The following GUCY1A2 variants were observed in gnomAD, a reference collection of about 807,000 sequenced individuals.
GUCY1A2 encodes guanylate cyclase 1 soluble subunit alpha 2, also known as guanylate cyclase soluble subunit alpha-2.
A neutral mutation model predicts 63.5 loss-of-function variants in GUCY1A2; 27 were observed. That is an observed-to-expected ratio of 0.43 (90% confidence interval 0.31 to 0.59). The LOEUF is 0.59. Ranked by LOEUF, GUCY1A2 falls within the 20% of genes least tolerant of loss-of-function variation. GUCY1A2 has a pLI of 0.11. For missense variants in GUCY1A2, 768 were observed against 913.3 expected (o/e 0.84, Z 2.05); for synonymous variants, 364 against 343.5 (o/e 1.06, Z -0.66).
rs529394302 is a variant in GUCY1A2, at chr11:106,799,894, A to G, written c.1692+10099T>C. 7.3e-4 allele frequency among the ~76,000 whole-genome samples: 111 copies of G among 152,360 alleles called. No individual in the cohort carries two copies. The Middle Eastern group carries it at 0.017, about 23-fold the overall frequency. On this transcript the variant is annotated intron_variant, in intron 5 of 7. Coordinates refer to ENST00000526355, the MANE Select transcript of GUCY1A2 (RefSeq NM_000855.3). ...ATAAAAGCCAAAATTGACAAATGGG[A>G]TCTAATTAAACTAAAGAGCTTCTGC... is the stretch of plus-strand genomic sequence containing the variant.
chr11:106,851,248 A>G (rs114299359), intron 4 of GUCY1A2, among the ~76,000 whole-genome samples: 3,613 of 151,608 alleles, frequency 0.024, 138 homozygotes, highest in African/African-American at 0.08. Flanking sequence ...TAGTCTGTGT[A>G]TTAGTCCCTT....
chr11:106,757,733 C>T (rs939181536), intron 6 of GUCY1A2, among the ~76,000 whole-genome samples: 3 of 152,178 alleles, frequency 2.0e-5, no homozygotes, highest in Non-Finnish European at 2.9e-5. Context: ...AGCTTTGTCC[C>T]AGAGGGGCAC....
intron 4 of GUCY1A2, among the ~76,000 whole-genome samples, chr11:106,905,351 CTTATT>C (rs1458599059): frequency 6.6e-6 from 1 of 152,038 alleles, no homozygotes; most frequent in African/African-American, 2.4e-5. Context: ...ACAACAGAAA[CTTATT>C]TTCTCACATA....
At chr11:106,948,180 C>T (rs1171714901) in intron 3 of GUCY1A2, among the ~76,000 whole-genome samples, 4 of 151,924 alleles carry the variant, frequency 2.6e-5, no homozygotes, top group African/African-American at 7.2e-5. Flanking sequence ...AAATATTTTC[C>T]GGCCATAGAA....
intron 2 of GUCY1A2, among the ~76,000 whole-genome samples, chr11:106,982,211 C>A (rs1380642427): frequency 6.6e-6 from 1 of 152,052 alleles, no homozygotes; most frequent in African/African-American, 2.4e-5. Context: ...AATCTTTCCA[C>A]AACATACAAA....
intron 4 of GUCY1A2, among the ~76,000 whole-genome samples, chr11:106,909,979 A>T (rs555463166): frequency 5.3e-5 from 8 of 152,132 alleles, no homozygotes; most frequent in African/African-American, 1.9e-4. Context: ...TCAAATGAAC[A>T]GTGTATATTA....
chr11:106,906,191 C>G (rs1305916179), intron 4 of GUCY1A2, among the ~76,000 whole-genome samples: 1 of 151,984 alleles, frequency 6.6e-6, no homozygotes, highest in African/African-American at 2.4e-5. Flanking sequence ...TGCAATCTAT[C>G]CATCTGACAA....
chr11:106,889,048 T>C (rs1231151511), intron 4 of GUCY1A2, among the ~76,000 whole-genome samples: 4 of 152,102 alleles, frequency 2.6e-5, no homozygotes, highest in African/African-American at 9.7e-5. Flanking sequence ...AAAATTACAA[T>C]GCACTGTATC....
intron 6 of GUCY1A2, among the ~76,000 whole-genome samples, chr11:106,761,745 A>G (rs1439316838): frequency 1.5e-4 from 23 of 152,162 alleles, no homozygotes; most frequent in Admixed American, 1.5e-3. Context: ...TGGCTGATAC[A>G]TTATGCTTAG....
At chr11:106,814,511 G>C (rs1034694148) in intron 4 of GUCY1A2, among the ~76,000 whole-genome samples, 1 of 151,986 alleles carries the variant, frequency 6.6e-6, no homozygotes, top group Admixed American at 6.6e-5. Context: ...AAATTGTATG[G>C]CTAGAGTCAC....
chr11:106,714,517 GACAA>G lies in GUCY1A2; in HGVS notation c.1837-5855_1837-5852del, dbSNP rs150181306. On this transcript the variant is annotated intron_variant, in intron 6 of 7. Coordinates refer to ENST00000526355, the MANE Select transcript of GUCY1A2 (RefSeq NM_000855.3). ...ATGTGCCAAGAGTATCTAGCAGTAA[GACAA>G]ACAGTGAGATACATTTAACTATCAA... Among the ~76,000 whole-genome samples, 891 of 152,272 alleles carry G rather than the reference GACAA, an allele frequency of 5.9e-3. 12 individuals carry two copies. The highest frequency in any genetic ancestry group is 0.021 in the African/African-American group (854 of 41,542).
chr11:106,831,910 C>T (rs1001084274), intron 4 of GUCY1A2, among the ~76,000 whole-genome samples: 1 of 152,154 alleles, frequency 6.6e-6, no homozygotes, highest in African/African-American at 2.4e-5. Context: ...TAGACTCGCA[C>T]CTCCTCCATA....
intron 4 of GUCY1A2, among the ~76,000 whole-genome samples, chr11:106,905,077 T>C (rs999070356): frequency 6.6e-6 from 1 of 152,088 alleles, no homozygotes; most frequent in African/African-American, 2.4e-5. Flanking sequence ...TGTAAGGCAC[T>C]GAGGTGGCTA....
chr11:106,871,615 C>T (rs1859679096), intron 4 of GUCY1A2, among the ~76,000 whole-genome samples: 1 of 152,094 alleles, frequency 6.6e-6, no homozygotes, highest in South Asian at 2.1e-4. Flanking sequence ...AAAATAATGA[C>T]CTCACCTTAA....
chr11:106,827,381 T>C, intron 4 of GUCY1A2: 9 of 1,545,706 alleles, frequency 5.8e-6, no homozygotes, highest in Non-Finnish European at 7.2e-6. Flanking sequence ...ATGGCCCAAA[T>C]CACTTCACAG....
At chr11:106,954,657 C>CT (rs1388321865) in intron 3 of GUCY1A2, among the ~76,000 whole-genome samples, 3 of 152,150 alleles carry the variant, frequency 2.0e-5, no homozygotes, top group Non-Finnish European at 4.4e-5. Flanking sequence ...TTGCAGGTCT[C>CT]TAAGAACTAG....
chr11:106,894,780 C>T (rs147967087), intron 4 of GUCY1A2, among the ~76,000 whole-genome samples: 68 of 152,066 alleles, frequency 4.5e-4, no homozygotes, highest in African/African-American at 1.5e-3. Flanking sequence ...AAGAGAGTAA[C>T]ACCACTGAAT....
At chr11:106,816,167 TAAAAAAA>T (rs60263721) in intron 4 of GUCY1A2, among the ~76,000 whole-genome samples, 78 of 92,008 alleles carry the variant, frequency 8.5e-4, no homozygotes, top group African/African-American at 3.1e-3. Flanking sequence ...ACTCTTTCTT[TAAAAAAA>T]AAAAAAAAAA....
In GUCY1A2 at chr11:106,788,126, T is replaced by C. The variant is rs74584665; in HGVS notation, c.1693-11544A>G. Among the ~76,000 whole-genome samples the C allele has an allele frequency of 2.6e-3, 402 of 152,306 alleles. 8 individuals carry two copies. The East Asian group carries it at 0.047, about 18-fold the overall frequency. On this transcript the variant is annotated intron_variant, in intron 5 of 7. Coordinates refer to ENST00000526355, the MANE Select transcript of GUCY1A2 (RefSeq NM_000855.3). ...GTATTGTACTTTTGATTTGCATTTC[T>C]CTGATGATCAAAGATATTAAGCATT...
Sources: gnomAD v4.1 joint callset for allele counts (sites outside exome capture counted in the v4.1 genomes callset) on GRCh38, gnomAD v4.1.1 for gene constraint, MANE v1.5 for transcripts, NCBI Gene and HGNC (gene_info 2026-07-23, HGNC 2026-07-21) for gene names.